The following ANKRD62 variants were observed in gnomAD, a reference collection of about 807,000 sequenced individuals.
The protein encoded by ANKRD62 is ankyrin repeat domain-containing protein 62.
In ANKRD62, 61 loss-of-function variants were observed where a neutral mutation model predicts 98.8. The observed-to-expected ratio is 0.62, with a 90% CI of 0.50 to 0.76. ANKRD62 has a LOEUF of 0.76. Ranked by LOEUF, ANKRD62 falls within the 30% of genes least tolerant of loss-of-function variation. The pLI is 0.00. For missense variants in ANKRD62, 933 were observed against 1,082.9 expected, an observed-to-expected ratio of 0.86 and a Z score of 1.94; for synonymous variants, 341 against 367.9, an observed-to-expected ratio of 0.93 and a Z score of 0.84.
chr18:12,106,194 G>A (rs531525117), intron 7 of ANKRD62, among the ~76,000 whole-genome samples: 10 of 152,090 alleles, frequency 6.6e-5, no homozygotes, highest in East Asian at 1.9e-4. Flanking sequence ...CACAACTTCC[G>A]CATGTTTCTG....
chr18:12,131,494 A>T (rs1392028418), downstream of ANKRD62, among the ~76,000 whole-genome samples: 1 of 152,212 alleles, frequency 6.6e-6, no homozygotes, highest in African/African-American at 2.4e-5. Flanking sequence ...CTTTAAAAAA[A>T]GTCCTAAGAA....
At chr18:12,141,338 C>A in the ANKRD62 span, among the ~76,000 whole-genome samples, 3 of 152,226 alleles carry the variant, frequency 2.0e-5, no homozygotes, top group Non-Finnish European at 2.9e-5. Context: ...TCAGCTCACA[C>A]ACGGTGCACT....
downstream of ANKRD62, among the ~76,000 whole-genome samples, chr18:12,134,752 AT>A (rs1910056460): frequency 6.6e-6 from 1 of 151,964 alleles, no homozygotes; most frequent in African/African-American, 2.4e-5. Flanking sequence ...TATGTGCCAC[AT>A]TTTCTTAAAC....
intron 2 of ANKRD62, 56 bp from the exon 3 acceptor site, chr18:12,095,381 A>G: frequency 6.5e-7 from 1 of 1,537,698 alleles, no homozygotes; most frequent in East Asian, 2.4e-5. Flanking sequence ...TAGTTGGTGA[A>G]TCCTGTGGAA....
chr18:12,104,465 A>C (rs1203605196), intron 7 of ANKRD62, among the ~76,000 whole-genome samples: 1 of 152,192 alleles, frequency 6.6e-6, no homozygotes, highest in African/African-American at 2.4e-5. Context: ...AACAGAAGTG[A>C]ACAAGTATTG....
chr18:12,117,536 G>T (rs528057174), intron 10 of ANKRD62, among the ~76,000 whole-genome samples: 1 of 152,284 alleles, frequency 6.6e-6, no homozygotes, highest in South Asian at 2.1e-4. Flanking sequence ...TTCCTGTGTT[G>T]TTCTTTATCT....
the ANKRD62 span, among the ~76,000 whole-genome samples, chr18:12,152,727 AC>A: frequency 6.6e-6 from 1 of 152,144 alleles, no homozygotes; most frequent in African/African-American, 2.4e-5. Context: ...GGAAGCCCTC[AC>A]CAGAGCAATC....
At chr18:12,133,189 G>T (rs557067303), downstream of ANKRD62, among the ~76,000 whole-genome samples, 1 of 151,954 alleles carries the variant, frequency 6.6e-6, no homozygotes, top group African/African-American at 2.4e-5. Context: ...TTTGTGTCTG[G>T]GTTATTTCAC....
chr18:12,097,846 T>A, intron 5 of ANKRD62, 69 bp downstream of exon 5: 3 of 1,487,824 alleles, frequency 2.0e-6, no homozygotes, highest in Non-Finnish European at 2.7e-6. Context: ...GCATCTTATA[T>A]ATCAAGTGAG....
the ANKRD62 span, among the ~76,000 whole-genome samples, chr18:12,161,363 T>C: frequency 6.6e-6 from 1 of 152,182 alleles, no homozygotes; most frequent in African/African-American, 2.4e-5. Context: ...TTCTCTCATA[T>C]AATACGCCAT....
At chr18:12,104,906 A>T (rs1292518493) in intron 7 of ANKRD62, among the ~76,000 whole-genome samples, 1 of 152,224 alleles carries the variant, frequency 6.6e-6, no homozygotes, top group Non-Finnish European at 1.5e-5. Context: ...TACTGTGAAA[A>T]TAGTAACAGA....
At chr18:12,173,490 A>T in the ANKRD62 span, among the ~76,000 whole-genome samples, 37 of 152,332 alleles carry the variant, frequency 2.4e-4, no homozygotes, top group South Asian at 2.1e-3. Flanking sequence ...TAGCCCATTT[A>T]TATTGAAGGT....
chr18:12,100,229 TTATA>T (rs1444762192), intron 6 of ANKRD62, among the ~76,000 whole-genome samples: 2 of 152,146 alleles, frequency 1.3e-5, no homozygotes, highest in African/African-American at 4.8e-5. Flanking sequence ...GACATATTAG[TTATA>T]TGTATTATAT....
chr18:12,117,531 G>GTGTTGTTCT (rs1909690498), intron 10 of ANKRD62, among the ~76,000 whole-genome samples: 1 of 152,198 alleles, frequency 6.6e-6, no homozygotes, highest in African/African-American at 2.4e-5. Context: ...AGACATTCCT[G>GTGTTGTTCT]TGTTGTTCTT....
At chr18:12,122,930 T>C (rs1486149894) in intron 11 of ANKRD62, among the ~76,000 whole-genome samples, 1 of 152,184 alleles carries the variant, frequency 6.6e-6, no homozygotes, top group Admixed American at 6.5e-5. Context: ...AGATCGTTGA[T>C]TAATATTACT....
chr18:12,167,311 G>C, the ANKRD62 span, among the ~76,000 whole-genome samples: 1 of 151,152 alleles, frequency 6.6e-6, no homozygotes, highest in African/African-American at 2.4e-5. Flanking sequence ...ACAAGCCCTG[G>C]TGTGTGATGT....
intron 7 of ANKRD62, among the ~76,000 whole-genome samples, chr18:12,106,889 T>A (rs892411181): frequency 2.0e-5 from 3 of 152,134 alleles, no homozygotes; most frequent in Non-Finnish European, 4.4e-5. Flanking sequence ...CAATATCACA[T>A]CCTCTAAATC....
At chr18:12,146,683 G>A in the ANKRD62 span, among the ~76,000 whole-genome samples, 3 of 152,302 alleles carry the variant, frequency 2.0e-5, no homozygotes, top group South Asian at 2.1e-4. Context: ...GATCTCAAAC[G>A]ATCCGCCCTC....
chr18:12,168,295 T>G, the ANKRD62 span, among the ~76,000 whole-genome samples: 3 of 152,136 alleles, frequency 2.0e-5, no homozygotes, highest in African/African-American at 7.2e-5. Context: ...TTAATCCATC[T>G]TGAATTAATT....
Sources: gnomAD v4.1 joint callset for allele counts (sites outside exome capture counted in the v4.1 genomes callset) on GRCh38, gnomAD v4.1.1 for gene constraint, MANE v1.5 for transcripts, NCBI Gene and HGNC (gene_info 2026-07-23, HGNC 2026-07-21) for gene names.